Variants in TEAD1 observed in about 807,000 individuals in gnomAD.
The protein encoded by TEAD1 is transcriptional enhancer factor TEF-1.
A neutral mutation model predicts 54.9 loss-of-function variants in TEAD1; 9 were observed. The ratio of observed to expected loss-of-function variants is 0.16; its 90% CI spans 0.10 to 0.29. The LOEUF is 0.29. TEAD1 is among the 10% of genes least tolerant of loss of function. The pLI, the probability that TEAD1 is intolerant of heterozygous loss-of-function variation, is 1.00. For synonymous variants in TEAD1, 200 were observed against 187.8 expected (o/e 1.07, Z -0.53); for missense variants, 387 against 535.9 (o/e 0.72, Z 2.74).
At chr11:12,776,434 C>T (rs1305937866) in intron 3 of TEAD1, among the ~76,000 whole-genome samples, 1 of 152,062 alleles carries the variant, frequency 6.6e-6, no homozygotes, top group East Asian at 1.9e-4. Flanking sequence ...TTCTCTCTGC[C>T]AGTAATGTTT....
Position 12,879,276 on chromosome 11 carries a change from G to A in TEAD1, c.331-432G>A, listed in dbSNP as rs187540843. Among the ~76,000 whole-genome samples the A allele has an allele frequency of 5.9e-5, 9 of 152,318 alleles. No homozygotes were observed. The East Asian group carries it at 1.2e-3, about 20-fold the overall frequency. ...ACACAGATAGGGCTCCTCGAGCTCT[G>A]TGGACGGTCCTACCCCAGTCCACAG... On this transcript the variant is annotated intron_variant, in intron 5 of 12. Coordinates refer to ENST00000527636, the MANE Select transcript of TEAD1 (RefSeq NM_021961.6).
chr11:12,834,345 T>G (rs192113615), intron 3 of TEAD1, among the ~76,000 whole-genome samples: 17 of 152,334 alleles, frequency 1.1e-4, no homozygotes, highest in African/African-American at 4.1e-4. Flanking sequence ...TTTGGACTTG[T>G]GAACATCTGA....
intron 9 of TEAD1, 53 bp from the exon 10 acceptor site, chr11:12,901,887 T>C (rs2289436): frequency 0.19 from 310,375 of 1,611,360 alleles, 38,612 homozygotes; most frequent in East Asian, 0.6. Flanking sequence ...ATGGATGAGT[T>C]CCAGGTTGAT....
chr11:12,837,610 T>C (rs1946920226), intron 3 of TEAD1, among the ~76,000 whole-genome samples: 1 of 152,148 alleles, frequency 6.6e-6, no homozygotes, highest in Non-Finnish European at 1.5e-5. Context: ...CATTGTGTCC[T>C]CACACGGCCT....
intron 10 of TEAD1, among the ~76,000 whole-genome samples, chr11:12,914,643 A>G (rs1174521760): frequency 6.6e-6 from 1 of 152,250 alleles, no homozygotes; most frequent in African/African-American, 2.4e-5. Context: ...CTTGCCTGCA[A>G]ATGAGAGGGC....
intron 5 of TEAD1, among the ~76,000 whole-genome samples, chr11:12,869,733 C>T (rs1947699975): frequency 1.3e-5 from 2 of 152,058 alleles, no homozygotes; most frequent in Non-Finnish European, 2.9e-5. Context: ...TTCCTCTACC[C>T]ACCCTCCGTC....
chr11:12,759,079 C>G (rs1385436228), intron 2 of TEAD1, among the ~76,000 whole-genome samples: 1 of 151,942 alleles, frequency 6.6e-6, no homozygotes, highest in African/African-American at 2.4e-5. Flanking sequence ...TGTTCAATGG[C>G]ATTTCATTAA....
In TEAD1 at chr11:12,717,114, C is replaced by T. The variant is rs111394114; in HGVS notation, c.-55+41553C>T. Among the ~76,000 whole-genome samples the T allele has an allele frequency of 3.4e-4, 52 of 152,284 alleles. 1 individual carries two copies. Among genetic ancestry groups the T allele is most frequent in the African/African-American group, 1.1e-3 (47 of 41,560 alleles). On this transcript the variant is annotated intron_variant, in intron 2 of 12. Transcript: ENST00000527636. ...ATGAGCCATAAACAGTCAAGTCTGGCCATGGAATGTAATGAATGTAGTTAT... is the reference window on the plus strand; with the variant it reads ...ATGAGCCATAAACAGTCAAGTCTGGTCATGGAATGTAATGAATGTAGTTAT...
At position 12,942,070 on chromosome 11, in the gene TEAD1, G is replaced by A. The variant is rs917419873; in HGVS notation, c.*4848G>A. ...AAAATCCGAAACTGGACACAAGTCAGTTCTTTCACCACACTCAAATGTATA... is the reference window on the plus strand; with the variant it reads ...AAAATCCGAAACTGGACACAAGTCAATTCTTTCACCACACTCAAATGTATA... On this transcript the variant is annotated 3_prime_UTR_variant, in exon 13 of 13. Transcript: ENST00000527636. 6.6e-6 allele frequency: 1 copy of A among 152,586 alleles called. No individual in the cohort carries two copies. Among genetic ancestry groups the A allele is most frequent in the Admixed American group, 6.5e-5 (1 of 15,270 alleles). The allele number at this position is 152,586 out of a possible 1,614,324, so 9.5% of individuals were successfully genotyped here.
chr11:12,778,326 A>G (rs955667164), intron 3 of TEAD1, among the ~76,000 whole-genome samples: 2 of 152,118 alleles, frequency 1.3e-5, no homozygotes, highest in Admixed American at 6.5e-5. Context: ...CCAGGTAAAC[A>G]ATAGAAAAGA....
At chr11:12,852,420 C>T (rs1394406371) in intron 3 of TEAD1, among the ~76,000 whole-genome samples, 5 of 150,554 alleles carry the variant, frequency 3.3e-5, no homozygotes, top group Non-Finnish European at 5.9e-5. Flanking sequence ...GCAGCAAGTT[C>T]AGGCTCCATT....
In TEAD1 at chr11:12,834,253, G is replaced by T. The variant is rs75006647; in HGVS notation, c.203-27997G>T. Among the ~76,000 whole-genome samples, 377 of 152,296 alleles carry T rather than the reference G, an allele frequency of 2.5e-3. 2 individuals carry two copies. Among genetic ancestry groups the T allele is most frequent in the African/African-American group, 8.5e-3 (352 of 41,574 alleles). Reference sequence around the variant, plus strand: ...TGAGTTATGTGGAATAGATTTTCTGGTGTTTGATTTACTTAGACTATTCTT... The same window carrying T: ...TGAGTTATGTGGAATAGATTTTCTGTTGTTTGATTTACTTAGACTATTCTT... On this transcript the variant is annotated intron_variant, in intron 3 of 12. Transcript: ENST00000527636.
chr11:12,829,568 T>G (rs932728480), intron 3 of TEAD1, among the ~76,000 whole-genome samples: 1 of 152,226 alleles, frequency 6.6e-6, no homozygotes, highest in Admixed American at 6.5e-5. Flanking sequence ...CTTGGAACAT[T>G]GATAATGCTC....
chr11:12,820,965 A>G (rs554078395), intron 3 of TEAD1, among the ~76,000 whole-genome samples: 41 of 152,324 alleles, frequency 2.7e-4, no homozygotes, highest in African/African-American at 9.9e-4. Context: ...CTTTAAGGCA[A>G]GGGAAGTGTT....
intron 2 of TEAD1, among the ~76,000 whole-genome samples, chr11:12,736,253 G>T (rs1170142816): frequency 6.6e-6 from 1 of 152,102 alleles, no homozygotes; most frequent in African/African-American, 2.4e-5. Context: ...GTGGACATGT[G>T]TACAGCCTTT....
intron 3 of TEAD1, among the ~76,000 whole-genome samples, chr11:12,796,725 C>CAAA (rs538261179): frequency 3.7e-5 from 5 of 136,292 alleles, no homozygotes; most frequent in African/African-American, 1.1e-4. Flanking sequence ...GATCCTGACT[C>CAAA]AAAAAAAAAA....
intron 2 of TEAD1, among the ~76,000 whole-genome samples, chr11:12,696,025 A>G (rs1943573248): frequency 1.3e-5 from 2 of 152,222 alleles, no homozygotes; most frequent in Admixed American, 1.3e-4. Context: ...CCTCCAACCC[A>G]GGCAACCAAC....
At position 12,937,159 on chromosome 11, in the gene TEAD1, G is replaced by A. The variant is rs768913607; in HGVS notation, c.1218G>A (p.Val406=). ...AAACTCTACTCTGCATGGCCTGTGT[G>A]TTTGAAGTTTCAAATAGTGAACACG... is the stretch of plus-strand genomic sequence containing the variant. The change falls in exon 13 of 13, where the codon GTG becomes GTA. Residue 406 remains valine (V), a synonymous_variant. Transcript: ENST00000527636. The A allele has an allele frequency of 1.9e-6, 3 of 1,614,030 alleles. No homozygotes were observed. Among genetic ancestry groups the A allele is most frequent in the South Asian group, 2.2e-5 (2 of 91,076 alleles).
intron 2 of TEAD1, among the ~76,000 whole-genome samples, chr11:12,751,835 C>T (rs988879048): frequency 2.0e-5 from 3 of 152,122 alleles, no homozygotes; most frequent in Non-Finnish European, 2.9e-5. Context: ...AGGAATGAAA[C>T]CAAACTTGCC....
Sources: allele counts gnomAD v4.1 joint callset (sites outside exome capture counted in the v4.1 genomes callset), GRCh38; gene constraint gnomAD v4.1.1; transcripts MANE v1.5; gene names NCBI Gene and HGNC (gene_info 2026-07-23, HGNC 2026-07-21).